Variants in TENM3 observed in about 807,000 individuals in gnomAD.
TENM3 encodes the protein teneurin transmembrane protein 3.
A neutral mutation model predicts 255.1 loss-of-function variants in TENM3; 63 were observed. The observed-to-expected ratio is 0.25, with a 90% CI of 0.20 to 0.30. The LOEUF (loss-of-function observed/expected upper bound fraction) is 0.30. TENM3 is among the 10% of genes least tolerant of loss of function. The pLI, the probability that TENM3 is intolerant of heterozygous loss-of-function variation, is 1.00. For synonymous variants in TENM3, 1,306 were observed against 1,322.3 expected (o/e 0.99, Z 0.27); for missense variants, 2,929 against 3,461.1 (o/e 0.85, Z 3.86).
intron 1 of TENM3, among the ~76,000 whole-genome samples, chr4:182,182,940 A>G (rs556442934): frequency 5.9e-5 from 9 of 152,270 alleles, no homozygotes; most frequent in African/African-American, 2.2e-4. Context: ...CCCTGGACAA[A>G]CCCTTTTTGG....
At chr4:182,174,502 T>TCACACA (rs71605053) in intron 1 of TENM3, among the ~76,000 whole-genome samples, 1,888 of 137,634 alleles carry the variant, frequency 0.014, 22 homozygotes, top group Middle Eastern at 0.043. Flanking sequence ...AGCTACTAAT[T>TCACACA]CACACACACA....
chr4:182,753,056 T>C (rs1470141576), intron 20 of TENM3, among the ~76,000 whole-genome samples: 1 of 151,708 alleles, frequency 6.6e-6, no homozygotes, highest in Non-Finnish European at 1.5e-5. Flanking sequence ...AAGCCATTCT[T>C]CTGCCTCAGC....
chr4:181,493,945 T>C, the TENM3 span, among the ~76,000 whole-genome samples: 4 of 152,128 alleles, frequency 2.6e-5, no homozygotes, highest in Admixed American at 6.5e-5. Context: ...CAAATACTTA[T>C]AGAGGACTCA....
At position 182,753,527 on chromosome 4, in the gene TENM3, A is replaced by C. The variant is rs745997875; in HGVS notation, c.3940A>C (p.Ile1314Leu). ...TAGGAAAGTTGACCAAAATGGAATC[A>C]TATCAACTCTTCTGGGCTCTAACGA... ...MIRKVDQNGI[I>L]STLLGSNDLT... The change falls in exon 21 of 28, where the codon ATA (isoleucine) becomes CTA (leucine). Residue 1314 changes from isoleucine to leucine, a missense_variant. Transcript: ENST00000511685. 9.9e-6 allele frequency: 16 copies of C among 1,613,816 alleles called. No homozygotes were observed. Among genetic ancestry groups the C allele is most frequent in the Admixed American group, 6.7e-5 (4 of 60,006 alleles).
chr4:182,048,847 T>C, the TENM3 span, among the ~76,000 whole-genome samples: 1 of 152,154 alleles, frequency 6.6e-6, no homozygotes, highest in Non-Finnish European at 1.5e-5. Flanking sequence ...CTGTGTCTAT[T>C]ATTCCTGAAC....
the TENM3 span, among the ~76,000 whole-genome samples, chr4:181,532,980 T>C: frequency 6.6e-6 from 1 of 152,210 alleles, no homozygotes; most frequent in Non-Finnish European, 1.5e-5. Context: ...AAATTCTCTC[T>C]ATAACCCCTT....
intron 1 of TENM3, among the ~76,000 whole-genome samples, chr4:182,258,895 G>A (rs916051501): frequency 1.3e-5 from 2 of 152,228 alleles, no homozygotes; most frequent in African/African-American, 4.8e-5. Flanking sequence ...AATGGCTCCA[G>A]AAACTCGACA....
the TENM3 span, among the ~76,000 whole-genome samples, chr4:181,487,894 T>C: frequency 6.6e-6 from 1 of 152,238 alleles, no homozygotes; most frequent in African/African-American, 2.4e-5. Flanking sequence ...GGCAACAATA[T>C]AGATGTTAAA....
At chr4:181,629,563 C>T in the TENM3 span, among the ~76,000 whole-genome samples, 1 of 152,132 alleles carries the variant, frequency 6.6e-6, no homozygotes, top group African/African-American at 2.4e-5. Flanking sequence ...TGAATTTTGT[C>T]AAAGGCCTTT....
chr4:181,662,053 G>A, the TENM3 span, among the ~76,000 whole-genome samples: 1 of 152,142 alleles, frequency 6.6e-6, no homozygotes, highest in Non-Finnish European at 1.5e-5. Flanking sequence ...CCCTTCACAA[G>A]TTTTCCAGAT....
chr4:182,140,803 G>A (rs1054399169), upstream of TENM3, among the ~76,000 whole-genome samples: 5 of 152,190 alleles, frequency 3.3e-5, no homozygotes, highest in African/African-American at 7.2e-5. Flanking sequence ...AAGGGAAGGC[G>A]CATGTGATGC....
chr4:181,733,279 T>G, the TENM3 span, among the ~76,000 whole-genome samples: 1 of 152,254 alleles, frequency 6.6e-6, no homozygotes, highest in Non-Finnish European at 1.5e-5. Flanking sequence ...CATCTATTTA[T>G]GTTTAAAAGT....
the TENM3 span, among the ~76,000 whole-genome samples, chr4:181,467,417 G>T: frequency 6.6e-6 from 1 of 151,352 alleles, no homozygotes; most frequent in Non-Finnish European, 1.5e-5. Context: ...TTACAGATGT[G>T]AGCCACCGCA....
At position 182,800,407 on chromosome 4, in the gene TENM3, C is replaced by A. The variant is rs1039964178; in HGVS notation, c.*56C>A. ...GCCCTGCCCACATTGTCCTGTGGCA[C>A]AACCCGAGTGGGACTCTCCAACGCC... On this transcript the variant is annotated 3_prime_UTR_variant, in exon 28 of 28. Coordinates refer to ENST00000511685, the MANE Select transcript of TENM3 (RefSeq NM_001080477.4). 8.7e-6 allele frequency: 13 copies of A among 1,496,542 alleles called. No homozygotes were observed. In the South Asian group the frequency reaches 1.6e-4, roughly 19 times the overall value. The allele number at this position is 1,496,542 out of a possible 1,614,324, so 92.7% of individuals were successfully genotyped here. A position where few individuals can be genotyped will look rare whatever the true frequency, so the allele number is the denominator to read the frequency against.
At chr4:182,360,471 T>C (rs1311548438) in intron 3 of TENM3, among the ~76,000 whole-genome samples, 3 of 145,490 alleles carry the variant, frequency 2.1e-5, no homozygotes, top group Non-Finnish European at 4.6e-5. Flanking sequence ...TTTACCATTA[T>C]GTAATGGCCT....
At chr4:182,724,785 GA>G (rs1241672230) in intron 13 of TENM3, among the ~76,000 whole-genome samples, 2 of 152,138 alleles carry the variant, frequency 1.3e-5, no homozygotes, top group Non-Finnish European at 2.9e-5. Context: ...GATTAATGGA[GA>G]AAAATATAAT....
At chr4:181,834,122 A>C in the TENM3 span, among the ~76,000 whole-genome samples, 1 of 152,112 alleles carries the variant, frequency 6.6e-6, no homozygotes, top group East Asian at 1.9e-4. Flanking sequence ...GCTAAAAAAA[A>C]AAAAAGAAAT....
At chr4:182,192,394 A>G (rs10028147) in intron 1 of TENM3, among the ~76,000 whole-genome samples, 1,755 of 152,302 alleles carry the variant, frequency 0.012, 34 homozygotes, top group African/African-American at 0.041. Context: ...TTTCAAATTT[A>G]TGGCTCTCTG....
chr4:182,796,649 GGCTGGT>G lies in TENM3; in HGVS notation c.7228_7233del (p.Leu2410_Val2411del). Reference sequence around the variant, plus strand: ...ATTCTTCTCCTAGATGTTAACAGCTGGCTGGTGACATTTGGTTTCCATCTGCACAAT... The same window carrying G: ...ATTCTTCTCCTAGATGTTAACAGCTGGACATTTGGTTTCCATCTGCACAAT... On this transcript the variant is annotated inframe_deletion, in exon 27 of 28. Transcript: ENST00000511685. 1 of 1,607,690 alleles carries G rather than the reference GGCTGGT, an allele frequency of 6.2e-7. No homozygotes were observed. The highest frequency in any genetic ancestry group is 8.5e-7 in the Non-Finnish European group (1 of 1,177,208).
Sources: allele counts gnomAD v4.1 joint callset (sites outside exome capture counted in the v4.1 genomes callset), GRCh38; gene constraint gnomAD v4.1.1; transcripts MANE v1.5; gene names NCBI Gene and HGNC (gene_info 2026-07-23, HGNC 2026-07-21).